KIR3DL2: variants seen among roughly 807,000 people sequenced by gnomAD.
KIR3DL2 encodes killer cell immunoglobulin-like receptor 3DL2.
In KIR3DL2, 42 loss-of-function variants were observed where a neutral mutation model predicts 41.6. The observed-to-expected ratio is 1.01, with a 90% confidence interval of 0.79 to 1.31. The LOEUF is 1.31. Ranked by LOEUF, KIR3DL2 falls within the 50% of genes most tolerant of loss-of-function variation. The pLI, the probability that KIR3DL2 is intolerant of heterozygous loss-of-function variation, is 0.00. For synonymous variants in KIR3DL2, 230 were observed against 221.3 expected, an observed-to-expected ratio of 1.04 and a Z score of -0.35; for missense variants, 728 against 576.8, an observed-to-expected ratio of 1.26 and a Z score of -2.68.
intron 5 of KIR3DL2, 151 bp downstream of exon 5, chr19:54,856,063 G>A: frequency 1.9e-6 from 2 of 1,027,074 alleles, no homozygotes; most frequent in Non-Finnish European, 2.9e-6. Context: ...ATGGCAGACA[G>A]GGCACCTCCA....
chr19:54,851,584 T>G (rs2064242902), intron 2 of KIR3DL2, among the ~76,000 whole-genome samples: 1 of 151,342 alleles, frequency 6.6e-6, no homozygotes, highest in Non-Finnish European at 1.5e-5. Context: ...AGCGTTTCCG[T>G]GACGGTAGGG....
Position 54,856,030 on chromosome 19 carries a change from TGA to T in KIR3DL2, c.949+120_949+121del, listed in dbSNP as rs1491044656. On this transcript the variant is annotated intron_variant, in intron 5 of 8. Transcript: ENST00000326321. The stretch of plus-strand genomic sequence containing the variant: ...GCAGAGAGAACACGAAGACTGGGTG[TGA>T]GGGGGGGGTCAGGGTGCAGGATGGC... 1.1e-5 allele frequency: 14 copies of T among 1,265,278 alleles called. No homozygotes were observed. In the African/African-American group the frequency reaches 1.3e-4, roughly 11 times the overall value. The allele number at this position is 1,265,278 out of a possible 1,614,324, so 78.4% of individuals were successfully genotyped here.
At chr19:54,859,632 C>T (rs1473974423) in intron 6 of KIR3DL2, among the ~76,000 whole-genome samples, 2 of 151,790 alleles carry the variant, frequency 1.3e-5, no homozygotes, top group Non-Finnish European at 2.9e-5. Flanking sequence ...CAGCCACAGC[C>T]CCATGCTCAG....
chr19:54,858,704 C>T (rs1410644956), intron 5 of KIR3DL2, among the ~76,000 whole-genome samples: 1 of 151,234 alleles, frequency 6.6e-6, no homozygotes, highest in Non-Finnish European at 1.5e-5. Context: ...CTCCAGCCTG[C>T]ATGACAGAGC....
intron 7 of KIR3DL2, 132 bp from the exon 8 acceptor site, chr19:54,866,238 G>A: frequency 1.1e-6 from 1 of 870,464 alleles, no homozygotes; most frequent in African/African-American, 1.7e-5. Flanking sequence ...GAGATAGAAT[G>A]TCTGAGTCTG....
intron 2 of KIR3DL2, 98 bp from the exon 3 acceptor site, chr19:54,851,900 G>C (rs2064276018): frequency 6.8e-7 from 1 of 1,470,320 alleles, no homozygotes; most frequent in South Asian, 1.1e-5. Context: ...GGTGTGGTAG[G>C]AGCCTTAGAA....
chr19:54,863,582 T>G (rs1045889988), intron 6 of KIR3DL2, among the ~76,000 whole-genome samples: 10 of 152,168 alleles, frequency 6.6e-5, no homozygotes, highest in African/African-American at 2.4e-4. Context: ...ATTGTGGTTT[T>G]GATTTGCATT....
Position 54,866,686 on chromosome 19 carries a change from C to T in KIR3DL2, c.1323C>T (p.Val441=). The T allele has an allele frequency of 6.2e-7, 1 of 1,614,008 alleles. No individual in the cohort carries two copies. The highest frequency in any genetic ancestry group is 8.5e-7 in the Non-Finnish European group (1 of 1,179,978). ...LPNAEPRSKV[V]SCPRAPQSGL... Reference sequence around the variant, plus strand: ...ATGCTGAGCCCAGATCCAAAGTTGTCTCCTGCCCACGAGCACCACAGTCAG... The same window carrying T: ...ATGCTGAGCCCAGATCCAAAGTTGTTTCCTGCCCACGAGCACCACAGTCAG... The change falls in exon 9 of 9, where the codon GTC becomes GTT. Residue 441 remains valine (V), a synonymous_variant. Transcript: ENST00000326321.
intron 1 of KIR3DL2, 149 bp downstream of exon 1, chr19:54,850,658 G>C (rs1398419697): frequency 1.6e-6 from 2 of 1,212,466 alleles, no homozygotes; most frequent in Non-Finnish European, 2.3e-6. Flanking sequence ...GTAAATATGG[G>C]CCTGGAGTGG....
intron 2 of KIR3DL2, 146 bp downstream of exon 2, chr19:54,851,401 C>G: frequency 1.2e-6 from 1 of 836,274 alleles, no homozygotes; most frequent in Non-Finnish European, 1.8e-6. Context: ...ACCTCGCCCT[C>G]CCTGGCCTTT....
chr19:54,865,163 T>G (rs1158863808), intron 6 of KIR3DL2, among the ~76,000 whole-genome samples: 1 of 152,078 alleles, frequency 6.6e-6, no homozygotes, highest in Non-Finnish European at 1.5e-5. Context: ...ATTACATTTA[T>G]TGATTTGCAT....
intron 6 of KIR3DL2, among the ~76,000 whole-genome samples, chr19:54,862,787 G>C (rs2065262880): frequency 7.1e-6 from 1 of 140,394 alleles, no homozygotes; most frequent in East Asian, 2.1e-4. Flanking sequence ...AAGAACACTT[G>C]AGCCTGGGTT....
At chr19:54,856,243 G>A (rs1347455995) in intron 5 of KIR3DL2, among the ~76,000 whole-genome samples, 1 of 151,152 alleles carries the variant, frequency 6.6e-6, no homozygotes, top group Non-Finnish European at 1.5e-5. Flanking sequence ...AGCCCATCCT[G>A]GCCTCTCACC....
In KIR3DL2 at chr19:54,854,002, A is replaced by G. The variant is rs559590360; in HGVS notation, c.611A>G (p.Tyr204Cys). 9.9e-6 allele frequency: 16 copies of G among 1,612,916 alleles called. 1 individual carries two copies. Among genetic ancestry groups the G allele is most frequent in the Admixed American group, 1.7e-5 (1 of 59,984 alleles). The change falls in exon 4 of 9, where the codon TAT (tyrosine) becomes TGT (cysteine). Residue 204 changes from tyrosine (Y) to cysteine (C), a missense_variant. Transcript: ENST00000326321. ...TATGGTTCTGTTCCTCACTCCCCCT[A>G]TCAGTTGTCAGCTCCCAGTGACCCC... ...RCYGSVPHSP[Y>C]QLSAPSDPLD...
At chr19:54,856,032 A>AT in intron 5 of KIR3DL2, 120 bp downstream of exon 5, 1 of 1,218,804 alleles carries the variant, frequency 8.2e-7, no homozygotes, top group Admixed American at 2.1e-5. Context: ...ACTGGGTGTG[A>AT]GGGGGGGGTC....
At chr19:54,854,089 G>T in intron 4 of KIR3DL2, 43 bp downstream of exon 4, 1 of 1,605,696 alleles carries the variant, frequency 6.2e-7, no homozygotes, top group Non-Finnish European at 8.5e-7. Flanking sequence ...TTGGGACACA[G>T]AGTGAATGAT....
intron 7 of KIR3DL2, among the ~76,000 whole-genome samples, 184 bp downstream of exon 7, chr19:54,866,093 C>T (rs1283387602): frequency 6.6e-6 from 1 of 152,072 alleles, no homozygotes; most frequent in Non-Finnish European, 1.5e-5. Flanking sequence ...AGACCATTGC[C>T]TGGTTCTGAA....
In KIR3DL2 at chr19:54,860,057, C is replaced by T. The variant is rs112962639; in HGVS notation, c.1000+928C>T. Among the ~76,000 whole-genome samples the T allele has an allele frequency of 4.2e-3, 639 of 152,060 alleles. 1 individual carries two copies. Among genetic ancestry groups the T allele is most frequent in the African/African-American group, 0.015 (603 of 41,494 alleles). On this transcript the variant is annotated intron_variant, in intron 6 of 8. Coordinates refer to ENST00000326321, the MANE Select transcript of KIR3DL2 (RefSeq NM_006737.4). ...AAGATGAAAATCCATCATAATCTCC[C>T]GGAAATCATCCAGGATACCCTCCTT...
chr19:54,854,106 C>T, intron 4 of KIR3DL2, 60 bp downstream of exon 4: 1 of 1,590,314 alleles, frequency 6.3e-7, no homozygotes, highest in Non-Finnish European at 8.6e-7. Context: ...TGATCCAGGA[C>T]TTGGAACCCC....
Sources: gnomAD v4.1 joint callset for allele counts (sites outside exome capture counted in the v4.1 genomes callset) on GRCh38, gnomAD v4.1.1 for gene constraint, MANE v1.5 for transcripts, NCBI Gene and HGNC (gene_info 2026-07-23, HGNC 2026-07-21) for gene names.